Variants in TSBP1 observed in about 807,000 individuals in gnomAD.
The protein encoded by TSBP1 is testis-expressed basic protein 1.
TSBP1 carries 56 observed loss-of-function variants against 68.8 expected under a neutral mutation model. That is an observed-to-expected ratio of 0.81 (90% confidence interval 0.66 to 1.02). The LOEUF (loss-of-function observed/expected upper bound fraction) is 1.02, where lower values mean the gene tolerates loss of function less well. Among genes scored for constraint, TSBP1 ranks in the 50% least tolerant of loss-of-function variants. The probability of loss-of-function intolerance (pLI) is 0.00; values close to 1 mark genes in which losing one functional copy is unlikely to be tolerated. For missense variants in TSBP1, 502 were observed against 641.2 expected (o/e 0.78, Z 2.34); for synonymous variants, 171 against 208.7 (o/e 0.82, Z 1.56).
chr6:32,346,793 C>T (rs1428364666), intron 9 of TSBP1, among the ~76,000 whole-genome samples: 1 of 152,112 alleles, frequency 6.6e-6, no homozygotes, highest in Non-Finnish European at 1.5e-5. Flanking sequence ...GCCGAGGTTG[C>T]ACCCTGCACT....
In TSBP1 at chr6:32,325,240, A is replaced by G. The variant is rs1439521993; in HGVS notation, c.515-1626T>C. On this transcript the variant is annotated intron_variant, in intron 16 of 22. Transcript: ENST00000612031. The surrounding 1 kb of genome is among the most constrained non-coding windows in gnomAD (Gnocchi z 4.4). The stretch of plus-strand genomic sequence containing the variant: ...CGTCTTATCTAAGTCAGAGTCTCCT[A>G]AAGAGCCAGAACAACTGAGGAAGCT... The G allele has an allele frequency of 3.1e-6, 3 of 968,152 alleles. No homozygotes were observed. The highest frequency in any genetic ancestry group is 4.7e-6 in the Non-Finnish European group (3 of 644,618). 60.0% of individuals were successfully genotyped at this position (968,152 alleles called of 1,614,324 possible).
At chr6:32,323,719 C>T in intron 16 of TSBP1, 105 bp from the exon 18 acceptor site, 5 of 968,348 alleles carry the variant, frequency 5.2e-6, no homozygotes, top group Non-Finnish European at 8.0e-6. Flanking sequence ...ATAGGGAAAA[C>T]TTTCCCTTTG....
chr6:32,294,641 AT>A (rs1196320253), intron 22 of TSBP1, among the ~76,000 whole-genome samples: 1 of 152,172 alleles, frequency 6.6e-6, no homozygotes. Context: ...TTAAATGAAT[AT>A]GAATAAGGTT....
intron 16 of TSBP1, among the ~76,000 whole-genome samples, chr6:32,329,460 G>A (rs1039915607): frequency 1.3e-5 from 2 of 152,206 alleles, no homozygotes; most frequent in Admixed American, 6.5e-5. Context: ...TTGATTCAGG[G>A]GAATAGTCAA....
At chr6:32,293,530 G>A in exon 23 of TSBP1, 1 of 1,611,510 alleles carries the variant, frequency 6.2e-7, no homozygotes, top group Non-Finnish European at 8.5e-7. Context: ...TCTTTACTTG[G>A]GATTCCTGTC....
chr6:32,293,280 C>T (rs1282493533), exon 23 of TSBP1: 2 of 1,612,560 alleles, frequency 1.2e-6, no homozygotes, highest in Non-Finnish European at 1.7e-6. Flanking sequence ...GTTTCTGGTA[C>T]ACTCACCTCA....
intron 19 of TSBP1, among the ~76,000 whole-genome samples, chr6:32,309,107 A>C (rs1392684454): frequency 6.7e-6 from 1 of 150,178 alleles, no homozygotes; most frequent in Non-Finnish European, 1.5e-5. Context: ...GCACCACCAC[A>C]CTCACCTGAT....
rs1766697840 is a variant in TSBP1, at chr6:32,314,057, C to A, written c.580+1715G>T. ...AAAGCTGCTACCTCTGTTTCCTCATCCCCTCACCATTCCTCCCAAGAGCTT... is the reference window on the plus strand; with the variant it reads ...AAAGCTGCTACCTCTGTTTCCTCATACCCTCACCATTCCTCCCAAGAGCTT... On this transcript the variant is annotated intron_variant, in intron 19 of 22. Coordinates refer to ENST00000612031, the Ensembl canonical transcript of TSBP1. This position sits in a 1 kb window ranked among gnomAD's most constrained non-coding sequence, Gnocchi z 4.2. Among the ~76,000 whole-genome samples the A allele has an allele frequency of 6.6e-6, 1 of 152,142 alleles. No homozygotes were observed. The highest frequency in any genetic ancestry group is 1.5e-5 in the Non-Finnish European group (1 of 68,020).
At chr6:32,293,941 A>C (rs750981966) in exon 23 of TSBP1, 9 of 1,612,558 alleles carry the variant, frequency 5.6e-6, no homozygotes, top group Non-Finnish European at 7.6e-6. Flanking sequence ...CTTCTCGGCT[A>C]TTCTGAGACC....
At chr6:32,354,466 T>A (rs781644183) in intron 8 of TSBP1, among the ~76,000 whole-genome samples, 5 of 152,140 alleles carry the variant, frequency 3.3e-5, no homozygotes, top group Non-Finnish European at 4.4e-5. Context: ...TTTATTTTTG[T>A]ATGCCTCTAT....
At position 32,325,769 on chromosome 6, in the gene TSBP1, A is replaced by C; in HGVS notation, c.515-2155T>G. 7.0e-6 allele frequency: 8 copies of C among 1,146,312 alleles called. No individual in the cohort carries two copies. Among genetic ancestry groups the C allele is most frequent in the Non-Finnish European group, 1.0e-5 (8 of 768,378 alleles). The allele number at this position is 1,146,312 out of a possible 1,614,324, so 71.0% of individuals were successfully genotyped here. A position where few individuals can be genotyped will look rare whatever the true frequency, so the allele number is the denominator to read the frequency against. On this transcript the variant is annotated intron_variant, in intron 16 of 22. Coordinates refer to ENST00000612031, the Ensembl canonical transcript of TSBP1. This position sits in a 1 kb window ranked among gnomAD's most constrained non-coding sequence, Gnocchi z 4.4. ...AGTTAGGAAAGTCTGTCAAAGCAAGAGATGGCTAGTGCTCCATCCAGCCGA... is the reference window on the plus strand; with the variant it reads ...AGTTAGGAAAGTCTGTCAAAGCAAGCGATGGCTAGTGCTCCATCCAGCCGA...
At chr6:32,297,979 A>G (rs181217376) in intron 22 of TSBP1, among the ~76,000 whole-genome samples, 1 of 152,168 alleles carries the variant, frequency 6.6e-6, no homozygotes, top group African/African-American at 2.4e-5. Context: ...TTTACAAAAA[A>G]TTTTTTAAAA....
At chr6:32,369,738 T>C (rs1774177306) in intron 2 of TSBP1, among the ~76,000 whole-genome samples, 159 bp downstream of exon 2, 1 of 152,220 alleles carries the variant, frequency 6.6e-6, no homozygotes, top group Non-Finnish European at 1.5e-5. Context: ...CAATCACTAA[T>C]AGGTCAGAGA....
intron 19 of TSBP1, among the ~76,000 whole-genome samples, chr6:32,307,135 A>G (rs1001900112): frequency 2.0e-5 from 3 of 152,012 alleles, no homozygotes; most frequent in Non-Finnish European, 4.4e-5. Flanking sequence ...TTTTTTAATC[A>G]TCTTGAGCTC....
intron 22 of TSBP1, among the ~76,000 whole-genome samples, chr6:32,297,559 C>T (rs16870014): frequency 0.014 from 2,067 of 152,216 alleles, 36 homozygotes; most frequent in Admixed American, 0.031. Flanking sequence ...TGGATCTAGA[C>T]TGTAAAAGAT....
chr6:32,302,487 C>T lies in TSBP1; in HGVS notation c.601+122G>A. On this transcript the variant is annotated intron_variant, in intron 20 of 22. Coordinates refer to ENST00000612031, the Ensembl canonical transcript of TSBP1. The surrounding 1 kb of genome is among the most constrained non-coding windows in gnomAD (Gnocchi z 5.1). ...ACAAAACCAAAAACACCAAACAAAC[C>T]AAAAAACACAAAAACCCAGCAAACA... 2 of 758,714 alleles carry T rather than the reference C, an allele frequency of 2.6e-6. No individual in the cohort carries two copies. The highest frequency in any genetic ancestry group is 4.5e-6 in the Non-Finnish European group (2 of 440,880). The allele number at this position is 758,714 out of a possible 1,614,324, so 47.0% of individuals were successfully genotyped here. A position where few individuals can be genotyped will look rare whatever the true frequency, so the allele number is the denominator to read the frequency against.
At position 32,346,979 on chromosome 6, in the gene TSBP1, A is replaced by G. The variant is rs548676950; in HGVS notation, c.349+2761T>C. ...TGTTATATTTGACATTTGCTAAGAGAGTAGATTTTAAGTGTTCTTACCACA... is the reference window on the plus strand; with the variant it reads ...TGTTATATTTGACATTTGCTAAGAGGGTAGATTTTAAGTGTTCTTACCACA... On this transcript the variant is annotated intron_variant, in intron 9 of 22. Transcript: ENST00000612031. 3.3e-5 allele frequency among the ~76,000 whole-genome samples: 5 copies of G among 152,312 alleles called. No homozygotes were observed. The South Asian group carries it at 1.0e-3, about 32-fold the overall frequency.
chr6:32,294,303 TG>T (rs1408803101), intron 22 of TSBP1: 2 of 538,784 alleles, frequency 3.7e-6, no homozygotes, highest in East Asian at 6.6e-5. Flanking sequence ...CAGTGGATTA[TG>T]GCTAATGAAT....
Position 32,316,440 on chromosome 6 carries a change from A to G in TSBP1, c.560-648T>C. The G allele has an allele frequency of 6.5e-7, 1 of 1,547,666 alleles. No homozygotes were observed. The highest frequency in any genetic ancestry group is 8.7e-7 in the Non-Finnish European group (1 of 1,144,368). ...CTAAAAAAATTAGATATCAGTGAAGATTTGTTTGAAAGGAGCAAGTTTCCT... is the reference window on the plus strand; with the variant it reads ...CTAAAAAAATTAGATATCAGTGAAGGTTTGTTTGAAAGGAGCAAGTTTCCT... On this transcript the variant is annotated intron_variant, in intron 18 of 22. Coordinates refer to ENST00000612031, the Ensembl canonical transcript of TSBP1. This position sits in a 1 kb window ranked among gnomAD's most constrained non-coding sequence, Gnocchi z 4.5.
Sources: allele counts gnomAD v4.1 joint callset (sites outside exome capture counted in the v4.1 genomes callset), GRCh38; gene constraint gnomAD v4.1.1; non-coding constraint Gnocchi (gnomAD v3.1); transcripts MANE v1.5; gene names NCBI Gene and HGNC (gene_info 2026-07-23, HGNC 2026-07-21).